Variants in FRMD3 observed in about 807,000 individuals in gnomAD.
FRMD3 encodes FERM domain-containing protein 3.
FRMD3 carries 33 observed loss-of-function variants against 70.2 expected under a neutral mutation model. The observed-to-expected ratio is 0.47, with a 90% confidence interval of 0.36 to 0.63. The LOEUF (loss-of-function observed/expected upper bound fraction) is 0.63, where lower values mean the gene tolerates loss of function less well. FRMD3 is among the 20% of genes least tolerant of loss of function. FRMD3 has a pLI of 0.00. For missense variants in FRMD3, 632 were observed against 711.4 expected (o/e 0.89, Z 1.27); for synonymous variants, 279 against 255.9 (o/e 1.09, Z -0.86).
chr9:83,418,818 A>G (rs1826533110), intron 1 of FRMD3, among the ~76,000 whole-genome samples: 1 of 152,234 alleles, frequency 6.6e-6, no homozygotes, highest in South Asian at 2.1e-4. Flanking sequence ...TATGAAAAAG[A>G]CATGCACATG....
chr9:83,491,505 C>T (rs1291355803), intron 1 of FRMD3, among the ~76,000 whole-genome samples: 1 of 152,244 alleles, frequency 6.6e-6, no homozygotes, highest in East Asian at 1.9e-4. Context: ...GGCCACAAGC[C>T]TTTCGACCAC....
chr9:83,317,124 C>G (rs2131074349), intron 6 of FRMD3, among the ~76,000 whole-genome samples: 1 of 151,486 alleles, frequency 6.6e-6, no homozygotes, highest in South Asian at 2.1e-4. Context: ...AAGAAAGATC[C>G]TGTCTTAAAA....
intron 13 of FRMD3, among the ~76,000 whole-genome samples, chr9:83,255,005 G>T (rs926091821): frequency 6.6e-6 from 1 of 152,136 alleles, no homozygotes; most frequent in African/African-American, 2.4e-5. Context: ...AGATGAAAAG[G>T]AAGGACTTTT....
chr9:83,347,139 A>G (rs1362696983), intron 4 of FRMD3, among the ~76,000 whole-genome samples: 1 of 152,236 alleles, frequency 6.6e-6, no homozygotes, highest in Non-Finnish European at 1.5e-5. Flanking sequence ...TAACTCAGAA[A>G]TCAATTTGGC....
chr9:83,566,987 T>C, the FRMD3 span, among the ~76,000 whole-genome samples: 1 of 152,238 alleles, frequency 6.6e-6, no homozygotes, highest in African/African-American at 2.4e-5. Context: ...GTAGGGACTC[T>C]GTGTGAGGGC....
chr9:83,467,675 A>G, intron 1 of FRMD3: 3 of 1,535,332 alleles, frequency 2.0e-6, no homozygotes, highest in Non-Finnish European at 2.6e-6. Flanking sequence ...AAGGATTTGC[A>G]GTGCCGTGAT....
upstream of FRMD3, among the ~76,000 whole-genome samples, chr9:83,540,219 A>G (rs1829983572): frequency 2.0e-5 from 3 of 152,216 alleles, no homozygotes; most frequent in Admixed American, 2.0e-4. Context: ...CTGCTAGCCA[A>G]AAGAGCAGAC....
At chr9:83,541,434 A>C (rs998503150), upstream of FRMD3, among the ~76,000 whole-genome samples, 7 of 152,228 alleles carry the variant, frequency 4.6e-5, no homozygotes, top group African/African-American at 1.7e-4. Context: ...AGATCCAAAG[A>C]ATCAAGGAGA....
rs144545601 is a variant in FRMD3 at position 83,448,284 on chromosome 9, G to A, written c.148-58576C>T. On this transcript the variant is annotated intron_variant, in intron 1 of 13. Transcript: ENST00000304195. ...ACCCACCTCTGCCACAGTCCCCACCGCTCCCTATTGTCTCACTCCTGGCCC... is the reference window on the plus strand; with the variant it reads ...ACCCACCTCTGCCACAGTCCCCACCACTCCCTATTGTCTCACTCCTGGCCC... Among the ~76,000 whole-genome samples, 272 of 152,180 alleles carry A rather than the reference G, an allele frequency of 1.8e-3. 1 individual carries two copies. Among genetic ancestry groups the A allele is most frequent in the African/African-American group, 2.9e-3 (119 of 41,520 alleles).
intron 1 of FRMD3, among the ~76,000 whole-genome samples, chr9:83,502,189 T>G (rs545253398): frequency 6.6e-6 from 1 of 152,296 alleles, no homozygotes; most frequent in South Asian, 2.1e-4. Context: ...AAAGGGCAAT[T>G]GCATCCCAGT....
intron 1 of FRMD3, among the ~76,000 whole-genome samples, chr9:83,481,421 CT>C (rs1463498877): frequency 6.6e-6 from 1 of 152,182 alleles, no homozygotes; most frequent in African/African-American, 2.4e-5. Context: ...AGAAATTCTG[CT>C]TCCAACTTTT....
chr9:83,275,096 C>T (rs1244427685), intron 13 of FRMD3, among the ~76,000 whole-genome samples: 4 of 152,086 alleles, frequency 2.6e-5, no homozygotes, highest in South Asian at 2.1e-4. Flanking sequence ...AAGCTTGATG[C>T]GTTAAATATG....
intron 5 of FRMD3, among the ~76,000 whole-genome samples, chr9:83,340,623 C>T (rs1479713591): frequency 1.3e-5 from 2 of 152,134 alleles, no homozygotes; most frequent in Non-Finnish European, 2.9e-5. Flanking sequence ...GATATTTTTA[C>T]CAAGAAAGAA....
chr9:83,452,544 C>T (rs1032006544), intron 1 of FRMD3, among the ~76,000 whole-genome samples: 5 of 151,994 alleles, frequency 3.3e-5, no homozygotes, highest in African/African-American at 4.8e-5. Context: ...TGCAGTGGTG[C>T]GATCTCGGCT....
chr9:83,444,919 A>G (rs1827410825), intron 1 of FRMD3, among the ~76,000 whole-genome samples: 1 of 152,230 alleles, frequency 6.6e-6, no homozygotes, highest in African/African-American at 2.4e-5. Flanking sequence ...TGCAACAACT[A>G]TGCCAAGTCA....
At chr9:83,505,473 G>T (rs1274921683) in intron 1 of FRMD3, among the ~76,000 whole-genome samples, 2 of 152,168 alleles carry the variant, frequency 1.3e-5, no homozygotes, top group Admixed American at 6.5e-5. Context: ...ACAGATGGGG[G>T]TGCTGAGTAG....
chr9:83,481,009 T>C (rs1180671156), intron 1 of FRMD3, among the ~76,000 whole-genome samples: 1 of 152,182 alleles, frequency 6.6e-6, no homozygotes, highest in African/African-American at 2.4e-5. Flanking sequence ...AACAACTAAA[T>C]ATTTTAAATG....
intron 13 of FRMD3, among the ~76,000 whole-genome samples, chr9:83,272,376 G>A (rs1035258411): frequency 6.6e-4 from 101 of 152,058 alleles, no homozygotes; most frequent in Non-Finnish European, 1.2e-3. Flanking sequence ...CCGAGGTGCC[G>A]GGATTGCAGA....
intron 1 of FRMD3, among the ~76,000 whole-genome samples, chr9:83,412,426 T>C (rs1461845334): frequency 6.6e-6 from 1 of 152,256 alleles, no homozygotes; most frequent in Non-Finnish European, 1.5e-5. Flanking sequence ...ATATATAGTA[T>C]GAGTTTCTTT....
Sources: allele counts gnomAD v4.1 joint callset (sites outside exome capture counted in the v4.1 genomes callset), GRCh38; gene constraint gnomAD v4.1.1; transcripts MANE v1.5; gene names NCBI Gene and HGNC (gene_info 2026-07-23, HGNC 2026-07-21).